Variants in MAGI1 observed in about 807,000 individuals in gnomAD.
MAGI1 encodes the protein membrane associated guanylate kinase, WW and PDZ domain containing 1, also known as membrane-associated guanylate kinase, WW and PDZ domain-containing protein 1.
A neutral mutation model predicts 139.9 loss-of-function variants in MAGI1; 58 were observed. The ratio of observed to expected loss-of-function variants is 0.41; its 90% CI spans 0.34 to 0.52. MAGI1 has a LOEUF of 0.52. Ranked by LOEUF, MAGI1 falls within the 20% of genes least tolerant of loss-of-function variation. The pLI is 0.12. For synonymous variants in MAGI1, 812 were observed against 737.9 expected (o/e 1.10, Z -1.63); for missense variants, 1,874 against 1,901.6 (o/e 0.99, Z 0.27).
At chr3:65,991,058 G>A (rs2066144214) in intron 1 of MAGI1, among the ~76,000 whole-genome samples, 1 of 152,078 alleles carries the variant, frequency 6.6e-6, no homozygotes, top group Non-Finnish European at 1.5e-5. Context: ...GGAGGCCAAG[G>A]TGGGCAGATC....
At chr3:66,014,302 CTTTT>C (rs1471628290) in intron 1 of MAGI1, among the ~76,000 whole-genome samples, 1 of 152,112 alleles carries the variant, frequency 6.6e-6, no homozygotes, top group Non-Finnish European at 1.5e-5. Flanking sequence ...TGTTCCAGAT[CTTTT>C]TTTATTTTTA....
chr3:65,498,359 G>A (rs2076953680), intron 2 of MAGI1, among the ~76,000 whole-genome samples: 1 of 150,858 alleles, frequency 6.6e-6, no homozygotes, highest in African/African-American at 2.4e-5. Flanking sequence ...TCTTTTTCTA[G>A]CTAGAAATTG....
At chr3:65,457,556 C>T (rs745586599) in intron 5 of MAGI1, among the ~76,000 whole-genome samples, 6 of 152,086 alleles carry the variant, frequency 3.9e-5, no homozygotes, top group Non-Finnish European at 7.4e-5. Context: ...GTTAGATTGA[C>T]ACCTGTATTA....
intron 1 of MAGI1, among the ~76,000 whole-genome samples, chr3:65,963,757 A>G (rs1368865230): frequency 1.3e-5 from 2 of 150,322 alleles, no homozygotes; most frequent in Non-Finnish European, 3.0e-5. Context: ...AAATCGCACA[A>G]CACTCCCAAA....
chr3:65,419,233 C>T (rs1014831401), intron 12 of MAGI1, among the ~76,000 whole-genome samples: 23 of 151,620 alleles, frequency 1.5e-4, no homozygotes, highest in Admixed American at 4.6e-4. Context: ...CACACACACA[C>T]ACACACACAC....
At chr3:65,570,258 T>A (rs886235375) in intron 2 of MAGI1, among the ~76,000 whole-genome samples, 1 of 151,724 alleles carries the variant, frequency 6.6e-6, no homozygotes, top group African/African-American at 2.4e-5. Context: ...TGCACCACTA[T>A]ATCCAGCTAA....
At chr3:65,946,020 T>C (rs1331705468) in intron 1 of MAGI1, among the ~76,000 whole-genome samples, 1 of 152,232 alleles carries the variant, frequency 6.6e-6, no homozygotes, top group African/African-American at 2.4e-5. Flanking sequence ...AGCCAACATT[T>C]TCCTGCTCTC....
At chr3:65,872,903 T>C (rs961284918) in intron 1 of MAGI1, 3 of 152,102 alleles carry the variant, frequency 2.0e-5, no homozygotes, top group Non-Finnish European at 4.4e-5. Context: ...CTGACCTCTT[T>C]AAGAGGAGAG....
At chr3:65,710,989 C>A (rs991878505) in intron 1 of MAGI1, among the ~76,000 whole-genome samples, 1 of 152,174 alleles carries the variant, frequency 6.6e-6, no homozygotes. Flanking sequence ...TTTTGTAACT[C>A]ATCCCACTAG....
At chr3:65,555,298 T>A (rs1019548244) in intron 2 of MAGI1, among the ~76,000 whole-genome samples, 1 of 152,160 alleles carries the variant, frequency 6.6e-6, no homozygotes, top group Non-Finnish European at 1.5e-5. Context: ...ACATAGTATT[T>A]TCCGGATTCC....
chr3:65,750,611 C>G (rs2036067304), intron 1 of MAGI1, among the ~76,000 whole-genome samples: 1 of 152,200 alleles, frequency 6.6e-6, no homozygotes, highest in African/African-American at 2.4e-5. Flanking sequence ...CTGTGTAAAT[C>G]AGAAGTTCTC....
chr3:65,396,499 G>A (rs1944405155), intron 13 of MAGI1, among the ~76,000 whole-genome samples: 1 of 152,104 alleles, frequency 6.6e-6, no homozygotes, highest in Non-Finnish European at 1.5e-5. Context: ...AAATGGAAAT[G>A]CGAAAAAAAT....
At chr3:65,977,701 A>T (rs1488678266) in intron 1 of MAGI1, among the ~76,000 whole-genome samples, 3 of 150,344 alleles carry the variant, frequency 2.0e-5, no homozygotes, top group Non-Finnish European at 4.4e-5. Flanking sequence ...ATAGAGTGAG[A>T]CTCCATCCTC....
chr3:65,927,743 C>G (rs1339139094), intron 1 of MAGI1, among the ~76,000 whole-genome samples: 1 of 152,148 alleles, frequency 6.6e-6, no homozygotes, highest in Non-Finnish European at 1.5e-5. Context: ...ACAAGATCAA[C>G]ATCAGCCAAG....
chr3:65,850,446 G>A (rs1211231340), intron 1 of MAGI1, among the ~76,000 whole-genome samples: 1 of 152,088 alleles, frequency 6.6e-6, no homozygotes, highest in East Asian at 1.9e-4. Context: ...TCATCCTAAT[G>A]CAAAGATATC....
Position 65,470,395 on chromosome 3 carries a change from G to T in MAGI1, c.847C>A (p.Pro283Thr). Residue 283 changes from proline to threonine, a missense_variant, in exon 5 of 23, where the codon CCT becomes ACT. Pro to Thr is a conservative substitution (Grantham distance 38). Coordinates refer to ENST00000402939, the MANE Select transcript of MAGI1 (RefSeq NM_001033057.2). Reference protein sequence around the residue: ...SSIIAAPITDPSQKFPQYLPL... With the variant: ...SSIIAAPITDTSQKFPQYLPL... ...AGGTATTGAGGGAACTTCTGAGAAG[G>T]GTCCGTGATGGGAGCAGCGATGATG... 6.2e-7 allele frequency: 1 copy of T among 1,613,826 alleles called. No individual in the cohort carries two copies. The highest frequency in any genetic ancestry group is 8.5e-7 in the Non-Finnish European group (1 of 1,179,840).
In MAGI1 at chr3:65,841,459, T is replaced by TTTTTG. The variant is rs1559932925; in HGVS notation, c.313+196532_313+196536dup. On this transcript the variant is annotated intron_variant, in intron 1 of 22. Transcript: ENST00000402939. ...TGTTTTTGTTTTTGTTTTTGTTTTT[T>TTTTTG]TTTTGAGATGCAGGATGGAGTACAG... Among the ~76,000 whole-genome samples, 388 of 151,850 alleles carry TTTTTG rather than the reference T, an allele frequency of 2.6e-3. 5 individuals are homozygous for TTTTTG. The highest frequency in any genetic ancestry group is 8.4e-3 in the African/African-American group (348 of 41,376).
chr3:65,788,291 A>G (rs1037663859), intron 1 of MAGI1, among the ~76,000 whole-genome samples: 1 of 152,218 alleles, frequency 6.6e-6, no homozygotes, highest in Admixed American at 6.5e-5. Flanking sequence ...TCTCATCCCA[A>G]TCTTACAAAT....
At chr3:65,480,658 T>A (rs962293669) in intron 3 of MAGI1, among the ~76,000 whole-genome samples, 10 of 148,704 alleles carry the variant, frequency 6.7e-5, no homozygotes, top group Non-Finnish European at 1.0e-4. Flanking sequence ...CGATCTCGGC[T>A]CACTGCAACC....
Sources: allele counts gnomAD v4.1 joint callset (sites outside exome capture counted in the v4.1 genomes callset), GRCh38; gene constraint gnomAD v4.1.1; transcripts MANE v1.5; gene names NCBI Gene and HGNC (gene_info 2026-07-23, HGNC 2026-07-21).